Variants in FADS2 observed in about 807,000 individuals in gnomAD.
The protein encoded by FADS2 is acyl-CoA 6-desaturase.
A neutral mutation model predicts 61.2 loss-of-function variants in FADS2; 18 were observed. That is an observed-to-expected ratio of 0.29 (90% CI 0.20 to 0.44). The LOEUF (loss-of-function observed/expected upper bound fraction) is 0.44. Among genes scored for constraint, FADS2 ranks in the 20% least tolerant of loss-of-function variants. The pLI, the probability that FADS2 is intolerant of heterozygous loss-of-function variation, is 1.00. For synonymous variants in FADS2, 203 were observed against 223.9 expected (o/e 0.91, Z 0.83); for missense variants, 322 against 572.7 (o/e 0.56, Z 4.47).
intron 6 of FADS2, 93 bp from the exon 7 acceptor site, chr11:61,857,361 C>G: frequency 3.5e-6 from 4 of 1,153,908 alleles, no homozygotes; most frequent in South Asian, 2.4e-5. Context: ...GCAGGGCTGG[C>G]CCCTGCACTC....
intron 7 of FADS2, among the ~76,000 whole-genome samples, chr11:61,858,494 T>C (rs1053068937): frequency 9.2e-5 from 14 of 152,134 alleles, no homozygotes; most frequent in African/African-American, 3.4e-4. Context: ...TTTAATTTTC[T>C]TTTTTTCTTC....
chr11:61,852,177 C>T (rs1415068835), intron 5 of FADS2, among the ~76,000 whole-genome samples: 1 of 152,318 alleles, frequency 6.6e-6, no homozygotes, highest in East Asian at 1.9e-4. Context: ...TTGGGGGCCA[C>T]ACTCACACTC....
chr11:61,830,288 A>G (rs2067118102), intron 1 of FADS2, among the ~76,000 whole-genome samples: 1 of 152,242 alleles, frequency 6.6e-6, no homozygotes, highest in Admixed American at 6.5e-5. Flanking sequence ...GAAAAGTCAA[A>G]TACGATGAAT....
upstream of FADS2, chr11:61,816,249 C>G (rs1426967832): frequency 1.9e-6 from 3 of 1,597,140 alleles, no homozygotes; most frequent in East Asian, 6.7e-5. The surrounding 1 kb of genome is among the most constrained non-coding windows in gnomAD (Gnocchi z 7.0). Flanking sequence ...GGGTTCTGTC[C>G]CCGCCCAGAG....
At chr11:61,824,513 AAG>A (rs1229411301), upstream of FADS2, among the ~76,000 whole-genome samples, 1 of 116,966 alleles carries the variant, frequency 8.5e-6, no homozygotes, top group African/African-American at 3.0e-5. Flanking sequence ...GAAAGAAAGA[AAG>A]AAAGAAAGAA....
chr11:61,850,086 A>G (rs993225105), intron 5 of FADS2, among the ~76,000 whole-genome samples: 3 of 151,998 alleles, frequency 2.0e-5, no homozygotes, highest in Non-Finnish European at 4.4e-5. Flanking sequence ...GCAACTTGCC[A>G]CCTCTGCGAA....
At chr11:61,820,764 T>TG (rs1019746484) in intron 1 of FADS2, among the ~76,000 whole-genome samples, 1 of 151,652 alleles carries the variant, frequency 6.6e-6, no homozygotes, top group Non-Finnish European at 1.5e-5. Context: ...CCGGGTGTGG[T>TG]GGGGGGTGCC....
In FADS2 at chr11:61,828,303, A is replaced by C; in HGVS notation, c.-88A>C. ...CGAAAGCGAAGAGGGCCCGGGCTGC[A>C]CACACCGGCTGGGAGGCAGCCGTCT... On this transcript the variant is annotated 5_prime_UTR_variant, in exon 1 of 12. Transcript: ENST00000278840. This position sits in a 1 kb window ranked among gnomAD's most constrained non-coding sequence, Gnocchi z 6.4. 6.6e-7 allele frequency: 1 copy of C among 1,513,908 alleles called. No homozygotes were observed. Among genetic ancestry groups the C allele is most frequent in the Admixed American group, 2.1e-5 (1 of 48,604 alleles). The allele number at this position is 1,513,908 out of a possible 1,614,324, so 93.8% of individuals were successfully genotyped here.
intron 4 of FADS2, chr11:61,847,094 C>G (rs866000763): frequency 2.0e-5 from 3 of 151,944 alleles, no homozygotes; most frequent in Non-Finnish European, 2.9e-5. Flanking sequence ...CAACCACGCC[C>G]GGCTAATTTT....
Position 61,865,563 on chromosome 11 carries a change from G to T in FADS2, c.1284-75G>T. 1 of 1,353,712 alleles carries T rather than the reference G, an allele frequency of 7.4e-7. No individual in the cohort carries two copies. The highest frequency in any genetic ancestry group is 1.0e-6 in the Non-Finnish European group (1 of 955,868). The allele number at this position is 1,353,712 out of a possible 1,614,324, so 83.9% of individuals were successfully genotyped here. A position where few individuals can be genotyped will look rare whatever the true frequency, so the allele number is the denominator to read the frequency against. On this transcript the variant is annotated intron_variant, in intron 11 of 11. Transcript: ENST00000278840. This position sits in a 1 kb window ranked among gnomAD's most constrained non-coding sequence, Gnocchi z 4.1. ...GGACATACATGCCACCTTAATGATG[G>T]CCTCCTCAGCCCTTGCACTCCCTGG...
intron 5 of FADS2, chr11:61,854,179 C>G (rs566564055): frequency 6.6e-6 from 1 of 152,488 alleles, no homozygotes; most frequent in South Asian, 2.1e-4. Context: ...TGGGCTTTCT[C>G]TGTGTGTGTG....
chr11:61,821,126 C>G (rs554225661), intron 1 of FADS2, among the ~76,000 whole-genome samples: 27 of 152,298 alleles, frequency 1.8e-4, no homozygotes, highest in Admixed American at 5.2e-4. Context: ...CTTGCCTCAT[C>G]CTGGATATGA....
At chr11:61,834,686 A>G (rs920470036) in intron 1 of FADS2, among the ~76,000 whole-genome samples, 2 of 152,152 alleles carry the variant, frequency 1.3e-5, no homozygotes, top group South Asian at 2.1e-4. Flanking sequence ...AGAGGAATCC[A>G]TTAGTTATCA....
chr11:61,840,751 T>A, intron 4 of FADS2, 26 bp downstream of exon 4: 1 of 1,551,970 alleles, frequency 6.4e-7, no homozygotes, highest in Non-Finnish European at 8.9e-7. Context: ...CCTGGGCATC[T>A]GTCCTGTTGG....
upstream of FADS2, among the ~76,000 whole-genome samples, chr11:61,823,670 C>G (rs2067049327): frequency 6.6e-6 from 1 of 152,176 alleles, no homozygotes; most frequent in Non-Finnish European, 1.5e-5. Flanking sequence ...GCATGCACCA[C>G]CACATCCAAC....
intron 8 of FADS2, 42 bp downstream of exon 8, chr11:61,863,111 C>A (rs745871047): frequency 1.3e-6 from 2 of 1,555,738 alleles, no homozygotes. Flanking sequence ...CCTCCACTGG[C>A]ACTGATGATG....
At chr11:61,834,789 G>A (rs2067157142) in intron 1 of FADS2, among the ~76,000 whole-genome samples, 1 of 152,114 alleles carries the variant, frequency 6.6e-6, no homozygotes, top group African/African-American at 2.4e-5. Context: ...GACCAATGAA[G>A]GGGCTTTTTC....
At chr11:61,826,060 A>C (rs1167433829), upstream of FADS2, 2 of 702,482 alleles carry the variant, frequency 2.8e-6, no homozygotes, top group Non-Finnish European at 5.2e-6. Context: ...GTCCAGCCCC[A>C]GCCTCTGGAG....
intron 1 of FADS2, among the ~76,000 whole-genome samples, chr11:61,831,841 C>T (rs998177423): frequency 5.3e-5 from 8 of 152,184 alleles, no homozygotes; most frequent in Middle Eastern, 3.2e-3. Context: ...CCCTTTGGTA[C>T]TGCGGTGCTT....
Sources: gnomAD v4.1 joint callset for allele counts (sites outside exome capture counted in the v4.1 genomes callset) on GRCh38, gnomAD v4.1.1 for gene constraint, Gnocchi (gnomAD v3.1) non-coding constraint, MANE v1.5 for transcripts, NCBI Gene and HGNC (gene_info 2026-07-23, HGNC 2026-07-21) for gene names.